The following SH3RF3 variants were observed in gnomAD, a reference collection of about 807,000 sequenced individuals.
SH3RF3 encodes SH3 domain containing ring finger 3, also known as E3 ubiquitin-protein ligase SH3RF3.
Under a neutral mutation model 66.3 loss-of-function variants are expected in SH3RF3, and 29 were observed. The observed-to-expected ratio is 0.44, with a 90% CI of 0.33 to 0.60. The LOEUF is 0.60. Ranked by LOEUF, SH3RF3 falls within the 20% of genes least tolerant of loss-of-function variation. The pLI is 0.04. For synonymous variants in SH3RF3, 583 were observed against 532.0 expected (o/e 1.10, Z -1.32); for missense variants, 1,194 against 1,190.9 (o/e 1.00, Z -0.04).
chr2:109,266,098 ATG>A (rs1229351199), intron 1 of SH3RF3, among the ~76,000 whole-genome samples: 6 of 139,894 alleles, frequency 4.3e-5, no homozygotes, highest in Non-Finnish European at 4.7e-5. Flanking sequence ...TTGTGCGTGC[ATG>A]TGTGTGTTGT....
At chr2:109,437,465 C>T (rs1349809966) in intron 7 of SH3RF3, among the ~76,000 whole-genome samples, 1 of 152,190 alleles carries the variant, frequency 6.6e-6, no homozygotes, top group African/African-American at 2.4e-5. Context: ...AATATTTACA[C>T]ATTTCATTGT....
intron 7 of SH3RF3, among the ~76,000 whole-genome samples, chr2:109,443,098 T>G (rs556936381): frequency 6.6e-6 from 1 of 152,388 alleles, no homozygotes; most frequent in African/African-American, 2.4e-5. Flanking sequence ...TTGTGAATAC[T>G]GAACTATTGC....
At chr2:109,307,618 C>T (rs1373234077) in intron 1 of SH3RF3, among the ~76,000 whole-genome samples, 1 of 137,348 alleles carries the variant, frequency 7.3e-6, no homozygotes, top group African/African-American at 2.9e-5. Flanking sequence ...ATTCCCCTTC[C>T]TGTGTCCATG....
intron 8 of SH3RF3, among the ~76,000 whole-genome samples, chr2:109,462,912 A>T (rs1001270084): frequency 2.6e-5 from 4 of 152,224 alleles, no homozygotes; most frequent in African/African-American, 9.6e-5. Context: ...GTCAGTTCAG[A>T]TCCAGTGTCC....
chr2:109,205,822 T>G (rs1474672986), intron 1 of SH3RF3, among the ~76,000 whole-genome samples: 3 of 152,216 alleles, frequency 2.0e-5, no homozygotes, highest in Non-Finnish European at 4.4e-5. Context: ...GCACACTGTG[T>G]GTGTAAAATA....
intron 2 of SH3RF3, 83 bp downstream of exon 2, chr2:109,348,032 CCAGA>C: frequency 1.3e-6 from 2 of 1,483,272 alleles, no homozygotes; most frequent in African/African-American, 1.4e-5. Context: ...AGACCTATAG[CCAGA>C]CAGTCTTTCT....
chr2:109,182,384 AT>A (rs1489722930), intron 1 of SH3RF3, among the ~76,000 whole-genome samples: 4 of 152,220 alleles, frequency 2.6e-5, no homozygotes, highest in Non-Finnish European at 5.9e-5. Context: ...TGAAGCCCTC[AT>A]GACCTAATCA....
chr2:109,440,947 A>G (rs1362193084), intron 7 of SH3RF3, among the ~76,000 whole-genome samples: 4 of 152,188 alleles, frequency 2.6e-5, no homozygotes, highest in African/African-American at 9.7e-5. Context: ...CACCAGCCAG[A>G]CGGAAAAATT....
At chr2:109,352,779 C>T (rs1682868056) in intron 2 of SH3RF3, among the ~76,000 whole-genome samples, 1 of 152,240 alleles carries the variant, frequency 6.6e-6, no homozygotes, top group African/African-American at 2.4e-5. Flanking sequence ...GGAGGCTCAA[C>T]TCGCAGGGCA....
chr2:109,347,853 C>A lies in SH3RF3; in HGVS notation c.753C>A (p.Ile251=). The A allele has an allele frequency of 6.2e-7, 1 of 1,613,772 alleles. No homozygotes were observed. The highest frequency in any genetic ancestry group is 8.5e-7 in the Non-Finnish European group (1 of 1,179,818). Residue 251 remains isoleucine (I), a synonymous_variant, in exon 2 of 10, where the codon ATC becomes ATA. Transcript: ENST00000309415. The part of the protein sequence containing the change: ...GFLPASYIQC[I]QPLPHAPPQG... The stretch of plus-strand genomic sequence containing the variant: ...TCCCAGCCAGCTATATCCAGTGCAT[C>A]CAGCCCTTGCCACACGCCCCGCCCC...
intron 1 of SH3RF3, among the ~76,000 whole-genome samples, chr2:109,326,323 A>G (rs1040862986): frequency 6.6e-6 from 1 of 151,824 alleles, no homozygotes; most frequent in Non-Finnish European, 1.5e-5. Flanking sequence ...TAGACTATCT[A>G]CTTCACAGTT....
At chr2:109,222,174 C>T (rs1679267841) in intron 1 of SH3RF3, among the ~76,000 whole-genome samples, 1 of 152,074 alleles carries the variant, frequency 6.6e-6, no homozygotes, top group African/African-American at 2.4e-5. Flanking sequence ...AGTAGAGTGC[C>T]AGATGCCAGT....
At chr2:109,251,558 T>C (rs1040944104) in intron 1 of SH3RF3, 2 of 787,608 alleles carry the variant, frequency 2.5e-6, no homozygotes, top group African/African-American at 3.4e-5. Context: ...GATGAATGTG[T>C]GGAGATGGCG....
chr2:109,459,492 C>G (rs147221812), intron 8 of SH3RF3, among the ~76,000 whole-genome samples: 1 of 152,208 alleles, frequency 6.6e-6, no homozygotes, highest in African/African-American at 2.4e-5. Context: ...TATAGTTTTC[C>G]ATTGACCTCA....
chr2:109,480,847 C>G (rs531803744), intron 8 of SH3RF3, among the ~76,000 whole-genome samples: 62 of 152,266 alleles, frequency 4.1e-4, no homozygotes, highest in East Asian at 1.9e-4. Context: ...GTTCGCTGTT[C>G]TCTAGCTTGG....
At chr2:109,460,441 T>C (rs547303813) in intron 8 of SH3RF3, among the ~76,000 whole-genome samples, 3 of 152,298 alleles carry the variant, frequency 2.0e-5, no homozygotes, top group African/African-American at 4.8e-5. Flanking sequence ...CGTAGCCAGG[T>C]TGGCCATGGT....
At chr2:109,426,613 TG>T (rs1234550523) in intron 5 of SH3RF3, among the ~76,000 whole-genome samples, 4 of 152,154 alleles carry the variant, frequency 2.6e-5, no homozygotes, top group Non-Finnish European at 5.9e-5. Context: ...GTGAAGATGG[TG>T]GGAACATCAT....
intron 8 of SH3RF3, among the ~76,000 whole-genome samples, chr2:109,484,543 C>T (rs753727507): frequency 6.6e-5 from 10 of 152,266 alleles, no homozygotes; most frequent in South Asian, 4.1e-4. Context: ...TCTTGAGGCC[C>T]GCCCCCTCCT....
At chr2:109,354,007 G>A (rs1682894500) in intron 2 of SH3RF3, among the ~76,000 whole-genome samples, 2 of 152,192 alleles carry the variant, frequency 1.3e-5, no homozygotes, top group Non-Finnish European at 2.9e-5. Context: ...GTGACAGCAG[G>A]ACAAAGATGC....
Sources: gnomAD v4.1 joint callset for allele counts (sites outside exome capture counted in the v4.1 genomes callset) on GRCh38, gnomAD v4.1.1 for gene constraint, MANE v1.5 for transcripts, NCBI Gene and HGNC (gene_info 2026-07-23, HGNC 2026-07-21) for gene names.